CHODL: variants seen among roughly 807,000 people sequenced by gnomAD.
CHODL encodes the protein chondrolectin, also known as transmembrane protein MT75.
In CHODL, 29 loss-of-function variants were observed where a neutral mutation model predicts 34.5. That is an observed-to-expected ratio of 0.84 (90% CI 0.63 to 1.15). CHODL has a LOEUF of 1.15. Among genes scored for constraint, CHODL ranks in the 50% most tolerant of loss-of-function variants. The probability of loss-of-function intolerance (pLI) is 0.00; values close to 1 mark genes in which losing one functional copy is unlikely to be tolerated. For synonymous variants in CHODL, 125 were observed against 116.1 expected, an observed-to-expected ratio of 1.08 and a Z score of -0.49; for missense variants, 332 against 332.5, an observed-to-expected ratio of 1.00 and a Z score of 0.01.
intron 2 of CHODL, among the ~76,000 whole-genome samples, chr21:18,079,575 C>G (rs2064911166): frequency 6.7e-6 from 1 of 149,776 alleles, no homozygotes; most frequent in Non-Finnish European, 1.5e-5. Context: ...TGTATATATA[C>G]ACACATATAC....
At chr21:17,990,005 G>C (rs2146386450) in intron 1 of CHODL, among the ~76,000 whole-genome samples, 1 of 152,204 alleles carries the variant, frequency 6.6e-6, no homozygotes, top group Non-Finnish European at 1.5e-5. Flanking sequence ...CTACAGAGCT[G>C]TTTGAGGCTC....
At chr21:18,232,941 T>TTTTTTATATATA (rs752640406) in intron 2 of CHODL, among the ~76,000 whole-genome samples, 1 of 97,620 alleles carries the variant, frequency 1.0e-5, no homozygotes. Context: ...CATGATGTTA[T>TTTTTTATATATA]GATATATATA....
intron 1 of CHODL, among the ~76,000 whole-genome samples, chr21:17,993,968 T>G (rs1020948006): frequency 2.0e-5 from 3 of 152,198 alleles, no homozygotes; most frequent in Non-Finnish European, 4.4e-5. Context: ...CCTTTTTCAT[T>G]TCTGATTTTA....
chr21:18,236,411 T>C (rs1440903855), intron 2 of CHODL, among the ~76,000 whole-genome samples: 2 of 152,092 alleles, frequency 1.3e-5, no homozygotes, highest in Non-Finnish European at 2.9e-5. Flanking sequence ...CAAGCTTTGA[T>C]TACTTTTTGT....
In CHODL at chr21:18,013,782, G is replaced by T. The variant is rs1182173956; in HGVS notation, c.-144-14090G>T. Among the ~76,000 whole-genome samples the T allele has an allele frequency of 3.3e-5, 5 of 151,474 alleles. No homozygotes were observed. In the East Asian group the frequency reaches 9.7e-4, roughly 29 times the overall value. ...CCTGAGTAGCTGGGACTACAGGCGT[G>T]TGCCACCACACCTGGCTAATTTTTG... On this transcript the variant is annotated intron_variant, in intron 1 of 6. Transcript: ENST00000400127.
chr21:18,073,277 G>A (rs1185256447), intron 2 of CHODL, among the ~76,000 whole-genome samples: 2 of 152,188 alleles, frequency 1.3e-5, no homozygotes, highest in East Asian at 3.9e-4. Context: ...TGAAAGTAAT[G>A]CCAGGCAACA....
At chr21:18,146,099 G>A (rs1444759555) in intron 2 of CHODL, among the ~76,000 whole-genome samples, 1 of 151,454 alleles carries the variant, frequency 6.6e-6, no homozygotes, top group Non-Finnish European at 1.5e-5. Context: ...CTCCCGAGTA[G>A]CTGAGACTAC....
At chr21:17,968,896 C>T (rs2063593665) in intron 1 of CHODL, among the ~76,000 whole-genome samples, 1 of 152,014 alleles carries the variant, frequency 6.6e-6, no homozygotes, top group South Asian at 2.1e-4. Context: ...ATCAAAGGGC[C>T]CTTGGGAATA....
chr21:18,261,360 T>TAAAAAAA lies in CHODL; in HGVS notation c.634+1083_634+1089dup, dbSNP rs60033114. Among the ~76,000 whole-genome samples, 636 of 137,806 alleles carry TAAAAAAA rather than the reference T, an allele frequency of 4.6e-3. 8 individuals carry two copies. Among genetic ancestry groups the TAAAAAAA allele is most frequent in the African/African-American group, 0.016 (613 of 38,408 alleles). 90.4% of individuals were successfully genotyped at this position (137,806 alleles called of 152,430 possible). The stretch of plus-strand genomic sequence containing the variant: ...ATGTACACTAAAACTTAAAGTATGA[T>TAAAAAAA]AAAAAAAAAAAAAAAGATCAGTAGG... On this transcript the variant is annotated intron_variant, in intron 4 of 5. Transcript: ENST00000299295.
intron 2 of CHODL, among the ~76,000 whole-genome samples, chr21:18,043,112 A>G (rs2064396609): frequency 6.6e-6 from 1 of 151,964 alleles, no homozygotes; most frequent in African/African-American, 2.4e-5. Context: ...TATGCTCTTA[A>G]TGATCCTGGT....
chr21:18,239,598 T>C (rs1377803611), intron 2 of CHODL, among the ~76,000 whole-genome samples: 1 of 152,128 alleles, frequency 6.6e-6, no homozygotes, highest in East Asian at 1.9e-4. Flanking sequence ...ATTTTACATT[T>C]TTTTAGGTCT....
chr21:18,157,036 C>T lies in CHODL; in HGVS notation c.-44-99473C>T, dbSNP rs149504835. On this transcript the variant is annotated intron_variant, in intron 2 of 6. Transcript: ENST00000400127. ...TTCAAAGTTCCAAGTTTAAGTGTTG[C>T]GGCGAAGAAGGCAGAAGTTACCTTA... Among the ~76,000 whole-genome samples the T allele has an allele frequency of 7.3e-4, 111 of 152,260 alleles. 1 individual carries two copies. Among genetic ancestry groups the T allele is most frequent in the African/African-American group, 2.4e-3 (101 of 41,540 alleles).
chr21:17,989,939 TG>T (rs1156992779), intron 1 of CHODL, among the ~76,000 whole-genome samples: 2 of 152,150 alleles, frequency 1.3e-5, no homozygotes, highest in Non-Finnish European at 2.9e-5. Flanking sequence ...AGAGCTTCTT[TG>T]CTTAACATAA....
At chr21:18,028,277 C>CTTCCTTCTTT in intron 2 of CHODL, among the ~76,000 whole-genome samples, 1 of 98,998 alleles carries the variant, frequency 1.0e-5, no homozygotes. Flanking sequence ...TTTCCTTTTC[C>CTTCCTTCTTT]CCTTCCTTCC....
intron 2 of CHODL, among the ~76,000 whole-genome samples, chr21:18,051,683 T>A (rs2064518527): frequency 6.6e-6 from 1 of 151,966 alleles, no homozygotes; most frequent in Non-Finnish European, 1.5e-5. Flanking sequence ...AAGAAATGTT[T>A]GGTTCCTCTG....
intron 2 of CHODL, among the ~76,000 whole-genome samples, chr21:18,086,312 C>A (rs374799068): frequency 6.6e-6 from 1 of 151,922 alleles, no homozygotes; most frequent in South Asian, 2.1e-4. Flanking sequence ...TCTGATTGAG[C>A]TCCTTTTAAA....
chr21:18,028,267 T>C (rs1286209989), intron 2 of CHODL, among the ~76,000 whole-genome samples: 1,908 of 49,516 alleles, frequency 0.039, 92 homozygotes, highest in African/African-American at 0.08. Context: ...TCTTTTTCTT[T>C]TTCCTTTTCC....
At chr21:18,126,087 A>T (rs1490671932) in intron 2 of CHODL, among the ~76,000 whole-genome samples, 3 of 152,228 alleles carry the variant, frequency 2.0e-5, no homozygotes, top group Non-Finnish European at 1.5e-5. Context: ...CCTTGAGCCC[A>T]AAAGCTTGAA....
intron 1 of CHODL, among the ~76,000 whole-genome samples, chr21:17,986,332 AG>A (rs1277761997): frequency 6.6e-6 from 1 of 151,200 alleles, no homozygotes; most frequent in Non-Finnish European, 1.5e-5. Context: ...CACCCCTGAC[AG>A]GCCCTGGTGT....
Sources: allele counts gnomAD v4.1 joint callset (sites outside exome capture counted in the v4.1 genomes callset), GRCh38; gene constraint gnomAD v4.1.1; transcripts MANE v1.5; gene names NCBI Gene and HGNC (gene_info 2026-07-23, HGNC 2026-07-21).